MAB21L3: variants seen among roughly 807,000 people sequenced by gnomAD.
MAB21L3 encodes mab-21 like 3.
MAB21L3 carries 36 observed loss-of-function variants against 37.7 expected under a neutral mutation model. The ratio of observed to expected loss-of-function variants is 0.96; its 90% CI spans 0.73 to 1.26. The LOEUF is 1.26. Among genes scored for constraint, MAB21L3 ranks in the 50% most tolerant of loss-of-function variants. The pLI, the probability that MAB21L3 is intolerant of heterozygous loss-of-function variation, is 0.00. For missense variants in MAB21L3, 430 were observed against 447.3 expected, an observed-to-expected ratio of 0.96 and a Z score of 0.35; for synonymous variants, 186 against 176.8, an observed-to-expected ratio of 1.05 and a Z score of -0.41.
Position 116,135,236 on chromosome 1 carries a change from CTAAT to C in MAB21L3, c.*1872_*1875del, listed in dbSNP as rs1182732432. 1 of 151,192 alleles carries C rather than the reference CTAAT, an allele frequency of 6.6e-6. No individual in the cohort carries two copies. 9.4% of individuals were successfully genotyped at this position (151,192 alleles called of 1,614,324 possible). On this transcript the variant is annotated 3_prime_UTR_variant, in exon 8 of 8. Transcript: ENST00000369500. ...CAAAATTGATAGACTGCTAGCAAGA[CTAAT>C]AAAGAAAAAAAGAGAGAAGAATCAA...
At chr1:116,130,217 A>G (rs1329603835) in intron 7 of MAB21L3, among the ~76,000 whole-genome samples, 1 of 152,238 alleles carries the variant, frequency 6.6e-6, no homozygotes, top group Non-Finnish European at 1.5e-5. Flanking sequence ...TCTCCCAGCC[A>G]TGGCTGCTTG....
In MAB21L3 at chr1:116,127,490, G is replaced by A. The variant is rs146452667; in HGVS notation, c.506G>A (p.Arg169His). The A allele has an allele frequency of 1.4e-5, 23 of 1,613,890 alleles. No individual in the cohort carries two copies. Among genetic ancestry groups the A allele is most frequent in the East Asian group, 2.2e-5 (1 of 44,892 alleles). ...GGTAAGGTCAGCCTGCTAGGAAACC[G>A]CTCTGCAGTTTGGGTTGCTGTGGAA... Reference protein sequence around the residue: ...LSGKVSLLGNRSAVWVAVETS... With the variant: ...LSGKVSLLGNHSAVWVAVETS... Residue 169 changes from arginine (R) to histidine (H), a missense_variant, in exon 6 of 8, where the codon CGC (arginine) becomes CAC (histidine). Coordinates refer to ENST00000369500, the MANE Select transcript of MAB21L3 (RefSeq NM_152367.3).
rs1172898516 is a variant in MAB21L3 at position 116,134,117 on chromosome 1, C to T, written c.*752C>T. On this transcript the variant is annotated 3_prime_UTR_variant, in exon 8 of 8. Transcript: ENST00000369500. ...GTAAGTCAAAGATGAAAGTACAACT[C>T]TTGGCCTGATCCCAACCATAGCCCT... The T allele has an allele frequency of 6.6e-6, 1 of 152,508 alleles. No homozygotes were observed. Among genetic ancestry groups the T allele is most frequent in the Non-Finnish European group, 1.5e-5 (1 of 68,304 alleles). 9.4% of individuals were successfully genotyped at this position (152,508 alleles called of 1,614,324 possible).
At chr1:116,133,103 A>G in intron 7 of MAB21L3, 29 bp from the exon 8 acceptor site, 1 of 1,580,408 alleles carries the variant, frequency 6.3e-7, no homozygotes, top group Admixed American at 1.7e-5. Flanking sequence ...GCCCGAAACA[A>G]TGTCTGACAG....
rs550652134 is a variant in MAB21L3 at position 116,137,678 on chromosome 1, A to G, written c.*4313A>G. Reference sequence around the variant, plus strand: ...CTGCTATAAAGACACATGCACACGTATGTTTATTGCGGCATTATTCACAAT... The same window carrying G: ...CTGCTATAAAGACACATGCACACGTGTGTTTATTGCGGCATTATTCACAAT... On this transcript the variant is annotated 3_prime_UTR_variant, in exon 8 of 8. Transcript: ENST00000369500. Among the ~76,000 whole-genome samples, 1 of 151,824 alleles carries G rather than the reference A, an allele frequency of 6.6e-6. No homozygotes were observed. Among genetic ancestry groups the G allele is most frequent in the Admixed American group, 6.5e-5 (1 of 15,270 alleles).
Position 116,136,996 on chromosome 1 carries a change from A to G in MAB21L3, c.*3631A>G, listed in dbSNP as rs1660211752. On this transcript the variant is annotated 3_prime_UTR_variant, in exon 8 of 8. Coordinates refer to ENST00000369500, the MANE Select transcript of MAB21L3 (RefSeq NM_152367.3). ...AATTCAAGATGGATTAAAGACTTAA[A>G]CGTTAGACCTAAAACCATAAAAACC... Among the ~76,000 whole-genome samples, 1 of 118,484 alleles carries G rather than the reference A, an allele frequency of 8.4e-6. No individual in the cohort carries two copies. The highest frequency in any genetic ancestry group is 1.7e-5 in the Non-Finnish European group (1 of 60,586). 77.7% of individuals were successfully genotyped at this position (118,484 alleles called of 152,430 possible). A position where few individuals can be genotyped will look rare whatever the true frequency, so the allele number is the denominator to read the frequency against.
intron 7 of MAB21L3, among the ~76,000 whole-genome samples, 153 bp downstream of exon 7, chr1:116,128,492 A>G (rs1315871190): frequency 6.6e-6 from 1 of 152,190 alleles, no homozygotes; most frequent in East Asian, 1.9e-4. Flanking sequence ...TTGCCATCCA[A>G]CAAATTACTA....
chr1:116,120,885 G>A, intron 3 of MAB21L3, 47 bp from the exon 4 acceptor site: 2 of 1,605,994 alleles, frequency 1.2e-6, no homozygotes, highest in Non-Finnish European at 1.7e-6. Context: ...GGTATCTTGG[G>A]GCCCACAGAG....
In MAB21L3 at chr1:116,137,291, C is replaced by G. The variant is rs1433926334; in HGVS notation, c.*3926C>G. Among the ~76,000 whole-genome samples, 1 of 116,838 alleles carries G rather than the reference C, an allele frequency of 8.6e-6. No homozygotes were observed. Among genetic ancestry groups the G allele is most frequent in the Non-Finnish European group, 1.6e-5 (1 of 63,920 alleles). 76.7% of individuals were successfully genotyped at this position (116,838 alleles called of 152,430 possible). A position where few individuals can be genotyped will look rare whatever the true frequency, so the allele number is the denominator to read the frequency against. ...AACAAATTTACAAGAAAAAAACAAA[C>G]AACCCCAACAAAAAGTGGGTGAAGG... is the stretch of plus-strand genomic sequence containing the variant. On this transcript the variant is annotated 3_prime_UTR_variant, in exon 8 of 8. Coordinates refer to ENST00000369500, the MANE Select transcript of MAB21L3 (RefSeq NM_152367.3).
chr1:116,118,444 C>T lies in MAB21L3; in HGVS notation c.49-2488C>T, dbSNP rs190287190. On this transcript the variant is annotated intron_variant, in intron 3 of 7. Transcript: ENST00000369500. ...TCTTCACTTGGTTTTCTTCCATTCA[C>T]CCTTAATCCACATTTAATGTGCACC... Among the ~76,000 whole-genome samples, 225 of 152,232 alleles carry T rather than the reference C, an allele frequency of 1.5e-3. 2 individuals are homozygous for T. The highest frequency in any genetic ancestry group is 0.014 in the Middle Eastern group (4 of 294).
At position 116,124,350 on chromosome 1, in the gene MAB21L3, C is replaced by T. The variant is rs765882221; in HGVS notation, c.474C>T (p.His158=). 4 of 1,612,034 alleles carry T rather than the reference C, an allele frequency of 2.5e-6. No individual in the cohort carries two copies. Among genetic ancestry groups the T allele is most frequent in the African/African-American group, 1.3e-5 (1 of 74,926 alleles). The change falls in exon 5 of 8, where the codon CAC becomes CAT. Residue 158 remains histidine, a synonymous_variant. Transcript: ENST00000369500. The stretch of plus-strand genomic sequence containing the variant: ...TGGAAAATGCAGTTAGAACCTGTCA[C>T]CTCTCAGGTGAGCTGATCAGGAACA... The part of the protein sequence containing the change: ...KLVENAVRTC[H]LSGKVSLLGN...
At position 116,127,628 on chromosome 1, in the gene MAB21L3, G is replaced by C. The variant is rs780891239; in HGVS notation, c.644G>C (p.Arg215Thr). 3.1e-6 allele frequency: 5 copies of C among 1,613,210 alleles called. No individual in the cohort carries two copies. The highest frequency in any genetic ancestry group is 2.2e-5 in the East Asian group (1 of 44,884). The part of the protein sequence containing the change: ...RCLQRWPSQE[R>T]VECIKSFGFN... ...CTGCAGCGCTGGCCTTCCCAAGAGAGAGTGGAGTGCATCAAGGTATCAGTG... is the reference window on the plus strand; with the variant it reads ...CTGCAGCGCTGGCCTTCCCAAGAGACAGTGGAGTGCATCAAGGTATCAGTG... Residue 215 changes from arginine to threonine, a missense_variant, in exon 6 of 8, where the codon AGA (arginine) becomes ACA (threonine). By Grantham distance (71) the Arg-to-Thr change is moderately conservative. Transcript: ENST00000369500.
rs1025630110 is a variant in MAB21L3, at chr1:116,135,323, A to T, written c.*1958A>T. The stretch of plus-strand genomic sequence containing the variant: ...CACCACCGATCCCACAGAAATACAA[A>T]CTACCATCAGAGAATACTACAAACT... On this transcript the variant is annotated 3_prime_UTR_variant, in exon 8 of 8. Coordinates refer to ENST00000369500, the MANE Select transcript of MAB21L3 (RefSeq NM_152367.3). 1 of 152,124 alleles carries T rather than the reference A, an allele frequency of 6.6e-6. No individual in the cohort carries two copies. The highest frequency in any genetic ancestry group is 1.5e-5 in the Non-Finnish European group (1 of 68,016). 9.4% of individuals were successfully genotyped at this position (152,124 alleles called of 1,614,324 possible).
At chr1:116,131,006 A>G (rs1660052939) in intron 7 of MAB21L3, among the ~76,000 whole-genome samples, 1 of 152,186 alleles carries the variant, frequency 6.6e-6, no homozygotes, top group Non-Finnish European at 1.5e-5. Context: ...CCAATATCTA[A>G]ACCATAACAT....
rs1168776343 is a variant in MAB21L3 at position 116,137,866 on chromosome 1, C to T, written c.*4501C>T. Reference sequence around the variant, plus strand: ...GAAATCATCATTCTCAGTAAACTATCGCAAGAACAAAAAACCAAACACTGC... The same window carrying T: ...GAAATCATCATTCTCAGTAAACTATTGCAAGAACAAAAAACCAAACACTGC... On this transcript the variant is annotated 3_prime_UTR_variant, in exon 8 of 8. Transcript: ENST00000369500. Among the ~76,000 whole-genome samples, 1 of 149,990 alleles carries T rather than the reference C, an allele frequency of 6.7e-6. No individual in the cohort carries two copies. The highest frequency in any genetic ancestry group is 1.5e-5 in the Non-Finnish European group (1 of 67,784).
intron 3 of MAB21L3, among the ~76,000 whole-genome samples, chr1:116,116,709 C>T (rs976943911): frequency 3.9e-5 from 6 of 152,080 alleles, no homozygotes; most frequent in African/African-American, 1.4e-4. Context: ...TCACACCAGA[C>T]GAGGCAATTT....
intron 3 of MAB21L3, among the ~76,000 whole-genome samples, chr1:116,114,787 G>A (rs1659525038): frequency 6.6e-6 from 1 of 152,186 alleles, no homozygotes; most frequent in South Asian, 2.1e-4. Flanking sequence ...AGACCGTAAG[G>A]GATGCAGTAG....
At chr1:116,119,521 G>C (rs1164984994) in intron 3 of MAB21L3, among the ~76,000 whole-genome samples, 5 of 152,092 alleles carry the variant, frequency 3.3e-5, no homozygotes, top group Admixed American at 2.6e-4. Context: ...GTCTCAAAAT[G>C]ACTCTAGAAT....
chr1:116,133,618 C>T lies in MAB21L3; in HGVS notation c.*253C>T, dbSNP rs1337911445. On this transcript the variant is annotated 3_prime_UTR_variant, in exon 8 of 8. Transcript: ENST00000369500. ...CTGGAGACAGCTCTCATCAGGCTTC[C>T]CCAGGCACAGATTTGGAACTGGTGA... 3.6e-6 allele frequency: 2 copies of T among 554,884 alleles called. No homozygotes were observed. The highest frequency in any genetic ancestry group is 6.5e-6 in the Non-Finnish European group (2 of 309,580). 34.4% of individuals were successfully genotyped at this position (554,884 alleles called of 1,614,324 possible).
Sources: gnomAD v4.1 joint callset for allele counts (sites outside exome capture counted in the v4.1 genomes callset) on GRCh38, gnomAD v4.1.1 for gene constraint, MANE v1.5 for transcripts, NCBI Gene and HGNC (gene_info 2026-07-23, HGNC 2026-07-21) for gene names.